WLS: variants seen among roughly 807,000 people sequenced by gnomAD.
The protein encoded by WLS is protein wntless homolog.
Under a neutral mutation model 62.8 loss-of-function variants are expected in WLS, and 23 were observed. The observed-to-expected ratio is 0.37, with a 90% CI of 0.26 to 0.52. The LOEUF is 0.52. WLS is among the 20% of genes least tolerant of loss of function. The probability of loss-of-function intolerance (pLI) is 0.92; values close to 1 mark genes in which losing one functional copy is unlikely to be tolerated. For missense variants in WLS, 615 were observed against 697.3 expected (o/e 0.88, Z 1.33); for synonymous variants, 246 against 244.1 (o/e 1.01, Z -0.07).
In WLS at chr1:68,194,159, T is replaced by A; in HGVS notation, c.175A>T (p.Lys59Ter). The A allele has an allele frequency of 6.2e-7, 1 of 1,614,238 alleles. No homozygotes were observed. Among genetic ancestry groups the A allele is most frequent in the Non-Finnish European group, 8.5e-7 (1 of 1,180,034 alleles). ...CCCCAAGGCACGAACCATTTTGTCT[T>A]GTGATGGTTCTTACGGGCATCCACA... ...KCVDARKNHH[K>*]TKWFVPWGPN... The change falls in exon 2 of 12, where the codon AAG (lysine) becomes TAG (stop). Residue 59 changes from lysine to a stop codon, truncating the protein, a stop_gained. Coordinates refer to ENST00000262348, the MANE Select transcript of WLS (RefSeq NM_024911.7). LOFTEE classifies it high-confidence loss of function.
rs567303567 is a variant in WLS at position 68,220,290 on chromosome 1, G to C, written c.106+11904C>G. ...GAAATAACCTGCCCATTGACCTTAC[G>C]AGACACAAGTTGACTCCAGAATAAA... On this transcript the variant is annotated intron_variant, in intron 1 of 11. Coordinates refer to ENST00000262348, the MANE Select transcript of WLS (RefSeq NM_024911.7). Among the ~76,000 whole-genome samples the C allele has an allele frequency of 9.2e-5, 14 of 152,240 alleles. No individual in the cohort carries two copies. The South Asian group carries it at 2.9e-3, about 32-fold the overall frequency.
chr1:68,115,814 A>AT (rs1413854120), intron 11 of WLS, among the ~76,000 whole-genome samples: 46 of 151,908 alleles, frequency 3.0e-4, no homozygotes, highest in African/African-American at 7.7e-4. Flanking sequence ...GTTAGGCATA[A>AT]TTTTTTTTTG....
intron 11 of WLS, among the ~76,000 whole-genome samples, chr1:68,114,194 C>T (rs1291193991): frequency 2.0e-5 from 3 of 152,174 alleles, no homozygotes; most frequent in Non-Finnish European, 4.4e-5. Context: ...GGCTGAGGCT[C>T]TGGGCCAAGG....
At chr1:68,129,340 T>C (rs1348054199) in intron 11 of WLS, among the ~76,000 whole-genome samples, 1 of 151,884 alleles carries the variant, frequency 6.6e-6, no homozygotes, top group Admixed American at 6.6e-5. Context: ...AACAAAAAAC[T>C]ACACATAAAA....
chr1:68,231,513 C>A (rs895189786), intron 1 of WLS: 24 of 305,860 alleles, frequency 7.8e-5, no homozygotes, highest in Non-Finnish European at 1.4e-4. Context: ...ACCTCTCCAA[C>A]TTCCCGCGGC....
At chr1:68,174,447 A>G (rs1194015170) in intron 2 of WLS, among the ~76,000 whole-genome samples, 1 of 152,176 alleles carries the variant, frequency 6.6e-6, no homozygotes, top group Admixed American at 6.5e-5. Flanking sequence ...CAGTGGGACA[A>G]TATTCTACTG....
At chr1:68,153,489 T>C in intron 5 of WLS, 28 bp downstream of exon 5, 1 of 1,613,762 alleles carries the variant, frequency 6.2e-7, no homozygotes, top group Non-Finnish European at 8.5e-7. Flanking sequence ...CCAGTATTCC[T>C]GAAGAGCGCT....
intron 11 of WLS, among the ~76,000 whole-genome samples, chr1:68,135,956 A>G (rs971395451): frequency 7.2e-5 from 11 of 152,186 alleles, no homozygotes; most frequent in African/African-American, 2.4e-4. Context: ...AGTCAAACCA[A>G]AGTTGGGCAG....
intron 11 of WLS, chr1:68,117,379 G>A (rs1161584848): frequency 1.3e-5 from 2 of 152,248 alleles, no homozygotes; most frequent in Admixed American, 6.5e-5. Flanking sequence ...TAGGGGTAAC[G>A]TTAGAGCCCT....
chr1:68,161,674 T>C (rs1646975888), intron 2 of WLS: 1 of 1,051,256 alleles, frequency 9.5e-7, no homozygotes, highest in Admixed American at 1.9e-5. Context: ...GACCATCATA[T>C]TCTTTTTCTC....
At chr1:68,190,450 G>A (rs1021325958) in intron 2 of WLS, among the ~76,000 whole-genome samples, 1 of 152,236 alleles carries the variant, frequency 6.6e-6, no homozygotes. Context: ...TACAGCAGAA[G>A]TGATGGAATG....
intron 1 of WLS, among the ~76,000 whole-genome samples, chr1:68,219,737 T>G (rs1389574659): frequency 1.3e-5 from 2 of 152,340 alleles, no homozygotes; most frequent in South Asian, 2.1e-4. Flanking sequence ...GGTTATATTT[T>G]AATCATTATT....
intron 1 of WLS, among the ~76,000 whole-genome samples, chr1:68,213,004 G>C (rs886372841): frequency 1.3e-5 from 2 of 152,112 alleles, no homozygotes. Context: ...TCTAATGATA[G>C]GTAACCTAAC....
intron 5 of WLS, among the ~76,000 whole-genome samples, chr1:68,152,409 G>A (rs1646838973): frequency 6.6e-6 from 1 of 152,208 alleles, no homozygotes; most frequent in Non-Finnish European, 1.5e-5. Context: ...AAGTCTAAGA[G>A]TCTGGAAAGA....
chr1:68,209,916 C>T (rs1649443627), intron 1 of WLS, among the ~76,000 whole-genome samples: 1 of 152,172 alleles, frequency 6.6e-6, no homozygotes, highest in Non-Finnish European at 1.5e-5. Flanking sequence ...CTAATCTGTC[C>T]CAGGTCCATA....
intron 2 of WLS, among the ~76,000 whole-genome samples, chr1:68,170,415 G>A (rs190679686): frequency 5.3e-5 from 8 of 151,924 alleles, no homozygotes; most frequent in Admixed American, 2.0e-4. Flanking sequence ...TGATCCACCC[G>A]CCTCGGACTC....
At chr1:68,170,021 C>A (rs2100536176) in intron 2 of WLS, among the ~76,000 whole-genome samples, 1 of 152,276 alleles carries the variant, frequency 6.6e-6, no homozygotes, top group East Asian at 1.9e-4. Flanking sequence ...CACTAAATGT[C>A]TCTATCTGTA....
intron 1 of WLS, among the ~76,000 whole-genome samples, chr1:68,225,763 C>T (rs1273188429): frequency 1.3e-5 from 2 of 152,178 alleles, no homozygotes; most frequent in Admixed American, 1.3e-4. Context: ...ACCATCACTA[C>T]CAACCTACAC....
rs41287850 is a variant in WLS, at chr1:68,126,201, C to A, written c.*25G>T. The A allele has an allele frequency of 3.0e-5, 48 of 1,613,080 alleles. No individual in the cohort carries two copies. Among genetic ancestry groups the A allele is most frequent in the Non-Finnish European group, 4.0e-5 (47 of 1,179,636 alleles). On this transcript the variant is annotated 3_prime_UTR_variant, in exon 12 of 12. Transcript: ENST00000262348. ...TAGAGGGGCTGGGGTATGGAGAGAC[C>A]GTCCCAGCCGGGCGCTGCAGCCTCC... is the stretch of plus-strand genomic sequence containing the variant.
Sources: gnomAD v4.1 joint callset for allele counts (sites outside exome capture counted in the v4.1 genomes callset) on GRCh38, gnomAD v4.1.1 for gene constraint, MANE v1.5 for transcripts, NCBI Gene and HGNC (gene_info 2026-07-23, HGNC 2026-07-21) for gene names.